Variants in ATP2B2 observed in about 807,000 individuals in gnomAD.
ATP2B2 encodes the protein plasma membrane calcium-transporting ATPase 2.
A neutral mutation model predicts 120.0 loss-of-function variants in ATP2B2; 15 were observed. The observed-to-expected ratio is 0.12, with a 90% confidence interval of 0.08 to 0.19. The LOEUF (loss-of-function observed/expected upper bound fraction) is 0.19. Ranked by LOEUF, ATP2B2 falls within the 10% of genes least tolerant of loss-of-function variation. ATP2B2 has a pLI of 1.00. For missense variants in ATP2B2, 1,045 were observed against 1,719.8 expected (o/e 0.61, Z 6.94); for synonymous variants, 694 against 700.3 (o/e 0.99, Z 0.14).
intron 1 of ATP2B2, among the ~76,000 whole-genome samples, chr3:10,482,957 C>T (rs1048852273): frequency 2.6e-5 from 4 of 152,212 alleles, no homozygotes; most frequent in African/African-American, 7.2e-5. Context: ...ACAACCAACC[C>T]GTGCAGCAGG....
intron 10 of ATP2B2, 108 bp downstream of exon 10, chr3:10,378,144 C>G: frequency 1.4e-6 from 2 of 1,454,062 alleles, no homozygotes; most frequent in Non-Finnish European, 1.8e-6. Flanking sequence ...GGCACTCATT[C>G]AAGCCCCCCA....
At chr3:10,432,314 C>T (rs1322903605) in intron 2 of ATP2B2, among the ~76,000 whole-genome samples, 3 of 152,216 alleles carry the variant, frequency 2.0e-5, no homozygotes, top group African/African-American at 7.2e-5. Flanking sequence ...CTGACTCAGG[C>T]GAGATCTCCA....
At chr3:10,681,142 C>T (rs1191871246) in intron 1 of ATP2B2, among the ~76,000 whole-genome samples, 3 of 152,198 alleles carry the variant, frequency 2.0e-5, no homozygotes, top group Non-Finnish European at 2.9e-5. Flanking sequence ...CATCATGGTT[C>T]CTGTATTCTC....
intron 8 of ATP2B2, 53 bp downstream of exon 8, chr3:10,385,215 G>T: frequency 6.4e-7 from 1 of 1,565,110 alleles, no homozygotes; most frequent in East Asian, 2.2e-5. Flanking sequence ...GTTGGGGTGG[G>T]GGTGAGAGAC....
chr3:10,391,634 C>T (rs2061853351), intron 5 of ATP2B2, among the ~76,000 whole-genome samples: 1 of 152,188 alleles, frequency 6.6e-6, no homozygotes, highest in South Asian at 2.1e-4. Context: ...CCCGCCCAGA[C>T]CTGGAGATGC....
intron 2 of ATP2B2, among the ~76,000 whole-genome samples, chr3:10,448,064 C>A (rs1212528647): frequency 6.6e-6 from 1 of 152,172 alleles, no homozygotes; most frequent in South Asian, 2.1e-4. Flanking sequence ...GACTGCCAGG[C>A]AAGCCCTGCA....
chr3:10,330,294 A>C (rs1208411606), intron 22 of ATP2B2: 1 of 154,490 alleles, frequency 6.5e-6, no homozygotes, highest in Non-Finnish European at 1.5e-5. Flanking sequence ...CCCAACTTGC[A>C]TCCTGGCTCT....
intron 2 of ATP2B2, among the ~76,000 whole-genome samples, chr3:10,417,025 G>C (rs2062809214): frequency 6.7e-6 from 1 of 148,484 alleles, no homozygotes; most frequent in African/African-American, 2.6e-5. Context: ...TTCCCAGATA[G>C]GGCGGCAGCC....
chr3:10,656,709 C>T (rs1271105540), intron 1 of ATP2B2, among the ~76,000 whole-genome samples: 1 of 152,234 alleles, frequency 6.6e-6, no homozygotes. Flanking sequence ...AAAACAATGG[C>T]ACCAGTCTGA....
intron 17 of ATP2B2, 120 bp downstream of exon 17, chr3:10,345,911 C>G: frequency 9.6e-7 from 1 of 1,039,304 alleles, no homozygotes; most frequent in Non-Finnish European, 1.4e-6. Flanking sequence ...AGGGTGGGCA[C>G]CCACGGCAGA....
At chr3:10,618,972 G>A (rs1295507205) in intron 2 of ATP2B2, among the ~76,000 whole-genome samples, 1 of 152,118 alleles carries the variant, frequency 6.6e-6, no homozygotes, top group African/African-American at 2.4e-5. Flanking sequence ...CAGGGAGGGG[G>A]TGTTGGGTGG....
intron 3 of ATP2B2, among the ~76,000 whole-genome samples, chr3:10,528,039 G>A (rs915255172): frequency 3.9e-5 from 6 of 152,202 alleles, no homozygotes; most frequent in Non-Finnish European, 8.8e-5. Context: ...CGGCAAAACA[G>A]TGGTCTCTGT....
At chr3:10,517,365 T>C (rs970472164) in intron 3 of ATP2B2, among the ~76,000 whole-genome samples, 1 of 152,192 alleles carries the variant, frequency 6.6e-6, no homozygotes, top group East Asian at 1.9e-4. Flanking sequence ...AGGACAAATA[T>C]TCTGGGTCCT....
chr3:10,331,712 A>T (rs1241343490), intron 22 of ATP2B2, among the ~76,000 whole-genome samples: 8 of 143,512 alleles, frequency 5.6e-5, no homozygotes, highest in South Asian at 4.3e-4. Flanking sequence ...AAAGGTAGGA[A>T]TTTTTTTTTT....
upstream of ATP2B2, among the ~76,000 whole-genome samples, chr3:10,506,768 C>T (rs1350090175): frequency 2.0e-5 from 3 of 152,124 alleles, no homozygotes; most frequent in South Asian, 2.1e-4. Context: ...GGAGGCGGCC[C>T]CGGGAGGCAG....
chr3:10,536,208 G>T (rs2067311679), intron 2 of ATP2B2, among the ~76,000 whole-genome samples: 1 of 151,940 alleles, frequency 6.6e-6, no homozygotes, highest in South Asian at 2.1e-4. Flanking sequence ...TTTTAAATTG[G>T]ATTTTTAAAT....
At chr3:10,556,729 T>A (rs930299537) in intron 2 of ATP2B2, among the ~76,000 whole-genome samples, 4 of 152,256 alleles carry the variant, frequency 2.6e-5, no homozygotes, top group African/African-American at 9.6e-5. Flanking sequence ...TTCTGTCATT[T>A]ATATTGTTTT....
At chr3:10,515,412 G>A (rs78696860) in intron 3 of ATP2B2, among the ~76,000 whole-genome samples, 4,340 of 152,238 alleles carry the variant, frequency 0.029, 129 homozygotes, top group East Asian at 0.14. Flanking sequence ...GATATCGTTC[G>A]TTCATTTCTT....
intron 2 of ATP2B2, among the ~76,000 whole-genome samples, chr3:10,431,584 G>A (rs1287338103): frequency 1.3e-5 from 2 of 152,134 alleles, no homozygotes; most frequent in Admixed American, 6.5e-5. Context: ...GCCTATACTT[G>A]CTTTTTTGCT....
Sources: gnomAD v4.1 joint callset for allele counts (sites outside exome capture counted in the v4.1 genomes callset) on GRCh38, gnomAD v4.1.1 for gene constraint, MANE v1.5 for transcripts, NCBI Gene and HGNC (gene_info 2026-07-23, HGNC 2026-07-21) for gene names.